The following RASAL2 variants were observed in gnomAD, a reference collection of about 807,000 sequenced individuals.
The protein encoded by RASAL2 is RAS protein activator like 2.
Under a neutral mutation model 128.9 loss-of-function variants are expected in RASAL2, and 58 were observed. The ratio of observed to expected loss-of-function variants is 0.45; its 90% CI spans 0.36 to 0.56. RASAL2 has a LOEUF of 0.56. RASAL2 is among the 20% of genes least tolerant of loss of function. The pLI is 0.00. For missense variants in RASAL2, 1,360 were observed against 1,601.6 expected, an observed-to-expected ratio of 0.85 and a Z score of 2.57; for synonymous variants, 561 against 580.8, an observed-to-expected ratio of 0.97 and a Z score of 0.49.
chr1:178,127,968 C>T (rs980940663), intron 1 of RASAL2, among the ~76,000 whole-genome samples: 2 of 151,970 alleles, frequency 1.3e-5, no homozygotes, highest in Non-Finnish European at 2.9e-5. Flanking sequence ...GTTACTAAAG[C>T]TATGGAAAAC....
chr1:178,346,320 T>G (rs1342596990), intron 3 of RASAL2, among the ~76,000 whole-genome samples: 1 of 151,974 alleles, frequency 6.6e-6, no homozygotes, highest in Non-Finnish European at 1.5e-5. Context: ...GAGGATTGCT[T>G]GAGCCCAGGA....
At chr1:178,185,475 A>G (rs1015040444) in intron 1 of RASAL2, among the ~76,000 whole-genome samples, 1 of 151,880 alleles carries the variant, frequency 6.6e-6, no homozygotes, top group African/African-American at 2.4e-5. Flanking sequence ...TTTTTTACAA[A>G]GTTGAGGAAA....
At chr1:178,180,178 G>A (rs1387487435) in intron 1 of RASAL2, among the ~76,000 whole-genome samples, 1 of 152,028 alleles carries the variant, frequency 6.6e-6, no homozygotes, top group Non-Finnish European at 1.5e-5. Context: ...TCACATAAAG[G>A]TCGTGTATTT....
intron 3 of RASAL2, among the ~76,000 whole-genome samples, chr1:178,337,825 G>A (rs60273798): frequency 0.013 from 1,977 of 151,346 alleles, 34 homozygotes; most frequent in African/African-American, 0.042. Context: ...TCCTTCTCCC[G>A]GGTTCAAGCG....
At chr1:178,268,762 T>G (rs1439128288) in intron 1 of RASAL2, among the ~76,000 whole-genome samples, 1 of 152,144 alleles carries the variant, frequency 6.6e-6, no homozygotes, top group Non-Finnish European at 1.5e-5. Flanking sequence ...CCTGGCTTCC[T>G]TCAATAGTTT....
intron 4 of RASAL2, among the ~76,000 whole-genome samples, chr1:178,408,139 C>A (rs751471138): frequency 6.6e-6 from 1 of 151,988 alleles, no homozygotes; most frequent in Non-Finnish European, 1.5e-5. Context: ...AAATAATGAG[C>A]TTTTTACTAT....
chr1:178,403,849 A>C (rs1368654816), intron 4 of RASAL2, among the ~76,000 whole-genome samples: 1 of 152,218 alleles, frequency 6.6e-6, no homozygotes, highest in Non-Finnish European at 1.5e-5. Context: ...AAAGTTTTTT[A>C]ATAATTGCGT....
rs569427397 is a variant in RASAL2 at position 178,286,773 on chromosome 1, A to G, written c.330+3082A>G. On this transcript the variant is annotated intron_variant, in intron 2 of 17. Transcript: ENST00000367649. ...TGATTCTATCCCCTGGGCCATTATT[A>G]TCTCCAAGACTACTCCAGTTTTAAT... is the stretch of plus-strand genomic sequence containing the variant. 7.2e-5 allele frequency among the ~76,000 whole-genome samples: 11 copies of G among 152,186 alleles called. No homozygotes were observed. The East Asian group carries it at 2.1e-3, about 29-fold the overall frequency.
chr1:178,110,299 G>A (rs1354620378), intron 1 of RASAL2, among the ~76,000 whole-genome samples: 2 of 151,750 alleles, frequency 1.3e-5, no homozygotes, highest in Non-Finnish European at 2.9e-5. Flanking sequence ...TTATTTACCA[G>A]GGGATTGGTT....
At chr1:178,351,294 C>T (rs1395344414) in intron 3 of RASAL2, among the ~76,000 whole-genome samples, 1 of 152,214 alleles carries the variant, frequency 6.6e-6, no homozygotes, top group African/African-American at 2.4e-5. Flanking sequence ...TCTCACATTT[C>T]AAAATACAGT....
At chr1:178,297,052 CAAAG>C (rs1667548030) in intron 2 of RASAL2, among the ~76,000 whole-genome samples, 1 of 150,202 alleles carries the variant, frequency 6.7e-6, no homozygotes, top group South Asian at 2.1e-4. Flanking sequence ...GAAAAAAAAA[CAAAG>C]AAAGAAAATT....
intron 4 of RASAL2, among the ~76,000 whole-genome samples, chr1:178,420,162 A>C (rs1194961846): frequency 6.6e-6 from 1 of 152,132 alleles, no homozygotes; most frequent in East Asian, 1.9e-4. Context: ...AATTGCTGGT[A>C]CCATCTTCAT....
At chr1:178,151,055 T>C (rs1660897683) in intron 1 of RASAL2, among the ~76,000 whole-genome samples, 1 of 152,160 alleles carries the variant, frequency 6.6e-6, no homozygotes, top group Non-Finnish European at 1.5e-5. Context: ...GAATAAGCTT[T>C]ATTTAGACTG....
At chr1:178,450,957 G>A (rs1374688389) in intron 9 of RASAL2, among the ~76,000 whole-genome samples, 3 of 152,184 alleles carry the variant, frequency 2.0e-5, no homozygotes, top group Non-Finnish European at 4.4e-5. Context: ...TCAGGGAATA[G>A]TGGGTGTATC....
chr1:178,308,336 A>C (rs1333457398), intron 3 of RASAL2, among the ~76,000 whole-genome samples: 1 of 152,092 alleles, frequency 6.6e-6, no homozygotes, highest in Non-Finnish European at 1.5e-5. Context: ...ATTAAGTTGG[A>C]AAACTCTGAG....
intron 1 of RASAL2, among the ~76,000 whole-genome samples, chr1:178,202,866 C>T (rs1040279216): frequency 7.9e-5 from 12 of 152,232 alleles, no homozygotes; most frequent in Non-Finnish European, 1.6e-4. Flanking sequence ...GGCCCATGAA[C>T]AAAGTGGTCA....
intron 4 of RASAL2, among the ~76,000 whole-genome samples, chr1:178,391,239 G>A (rs1672889486): frequency 6.6e-6 from 1 of 152,226 alleles, no homozygotes; most frequent in South Asian, 2.1e-4. Context: ...CTATAGTGCA[G>A]AAATTGACAT....
chr1:178,142,923 A>C (rs1391136613), intron 1 of RASAL2, among the ~76,000 whole-genome samples: 1 of 151,892 alleles, frequency 6.6e-6, no homozygotes, highest in Non-Finnish European at 1.5e-5. Context: ...ATGTGGGTAA[A>C]ATCTAGTGCC....
At chr1:178,428,973 T>C (rs1254577778) in intron 5 of RASAL2, among the ~76,000 whole-genome samples, 1 of 152,104 alleles carries the variant, frequency 6.6e-6, no homozygotes. Flanking sequence ...GATAACAAAG[T>C]CTATCTTAGC....
Sources: gnomAD v4.1 joint callset for allele counts (sites outside exome capture counted in the v4.1 genomes callset) on GRCh38, gnomAD v4.1.1 for gene constraint, MANE v1.5 for transcripts, NCBI Gene and HGNC (gene_info 2026-07-23, HGNC 2026-07-21) for gene names.